The following CFH variants were observed in gnomAD, a reference collection of about 807,000 sequenced individuals.
CFH encodes H factor 1 (complement).
In CFH, 53 loss-of-function variants were observed where a neutral mutation model predicts 147.3. The observed-to-expected ratio is 0.36, with a 90% CI of 0.29 to 0.45. CFH has a LOEUF of 0.45. Ranked by LOEUF, CFH falls within the 20% of genes least tolerant of loss-of-function variation. CFH has a pLI of 1.00. For synonymous variants in CFH, 536 were observed against 489.4 expected, an observed-to-expected ratio of 1.10 and a Z score of -1.26; for missense variants, 1,380 against 1,498.0, an observed-to-expected ratio of 0.92 and a Z score of 1.30.
At position 196,740,651 on chromosome 1, in the gene CFH, C is replaced by A. The variant is rs778348470; in HGVS notation, c.2815C>A (p.His939Asn). 2 of 1,613,566 alleles carry A rather than the reference C, an allele frequency of 1.2e-6. No individual in the cohort carries two copies. Among genetic ancestry groups the A allele is most frequent in the South Asian group, 2.2e-5 (2 of 91,022 alleles). The change falls in exon 18 of 22, where the codon CAT becomes AAT. Residue 939 changes from histidine (H) to asparagine (N), a missense_variant. By Grantham distance (68) the His-to-Asn change is moderately conservative. Transcript: ENST00000367429. ...TTGTAAATCTCCACCTGAGATTTCT[C>A]ATGGTGTTGTAGCTCACATGTCAGA... The part of the protein sequence containing the change: ...LPCKSPPEIS[H>N]GVVAHMSDSY...
rs868141789 is a variant in CFH, at chr1:196,669,292, G to C, written c.59-3686G>C. On this transcript the variant is annotated intron_variant, in intron 1 of 21. Coordinates refer to ENST00000367429, the MANE Select transcript of CFH (RefSeq NM_000186.4). ...TAGAAATAAAACCCGAATTTTCTTG[G>C]GAAAAATGCAAGCCCACTGGAGAAA... Among the ~76,000 whole-genome samples the C allele has an allele frequency of 4.6e-5, 7 of 152,290 alleles. 1 individual carries two copies. Among genetic ancestry groups the C allele is most frequent in the Middle Eastern group, 6.8e-3 (2 of 294 alleles).
intron 6 of CFH, among the ~76,000 whole-genome samples, chr1:196,680,852 G>A (rs1030387487): frequency 6.6e-6 from 1 of 151,806 alleles, no homozygotes; most frequent in Non-Finnish European, 1.5e-5. Context: ...ATTTTGGTTT[G>A]AGCCCACAAG....
chr1:196,714,015 A>G, intron 10 of CFH, 98 bp downstream of exon 10: 2 of 1,132,042 alleles, frequency 1.8e-6, no homozygotes, highest in South Asian at 1.4e-5. Flanking sequence ...TTCATTTGAA[A>G]AGATAAGAAA....
At chr1:196,674,303 A>G (rs1029623679) in intron 3 of CFH, among the ~76,000 whole-genome samples, 1 of 152,192 alleles carries the variant, frequency 6.6e-6, no homozygotes, top group African/African-American at 2.4e-5. Context: ...AACAATAGGA[A>G]TTGTAACCAA....
At chr1:196,698,604 G>A (rs1280463429) in intron 9 of CFH, among the ~76,000 whole-genome samples, 1 of 152,104 alleles carries the variant, frequency 6.6e-6, no homozygotes. Context: ...ACCAAAAATA[G>A]CCCAGGACCA....
intron 9 of CFH, among the ~76,000 whole-genome samples, chr1:196,710,518 G>T (rs1011557470): frequency 6.6e-6 from 1 of 151,944 alleles, no homozygotes; most frequent in Admixed American, 6.6e-5. Flanking sequence ...CTTTTTTTAA[G>T]TCTTAAAATT....
chr1:196,670,598 A>G (rs1457857594), intron 1 of CFH, among the ~76,000 whole-genome samples: 1 of 152,162 alleles, frequency 6.6e-6, no homozygotes, highest in East Asian at 1.9e-4. Context: ...CCCTTCCACC[A>G]TGACTGTAAC....
chr1:196,701,184 C>T, intron 9 of CFH: 3 of 1,172,420 alleles, frequency 2.6e-6, no homozygotes, highest in Non-Finnish European at 3.8e-6. Context: ...GAAGAAATTA[C>T]TAGTGGAAGA....
At chr1:196,732,063 T>G (rs961380717) in intron 15 of CFH, among the ~76,000 whole-genome samples, 1 of 152,088 alleles carries the variant, frequency 6.6e-6, no homozygotes, top group African/African-American at 2.4e-5. Flanking sequence ...ATTATTTTTT[T>G]GAATATATTT....
chr1:196,712,870 G>A (rs1668757868), intron 9 of CFH, among the ~76,000 whole-genome samples: 1 of 146,836 alleles, frequency 6.8e-6, no homozygotes, highest in Admixed American at 7.0e-5. Flanking sequence ...TGTGGTGTTT[G>A]GTTTTTTGTC....
At chr1:196,702,119 A>C (rs935357734) in intron 9 of CFH, among the ~76,000 whole-genome samples, 1 of 152,178 alleles carries the variant, frequency 6.6e-6, no homozygotes, top group Non-Finnish European at 1.5e-5. Flanking sequence ...GAAAAAGATG[A>C]TGCTATGATG....
chr1:196,730,414 C>T (rs1365520010), intron 15 of CFH, among the ~76,000 whole-genome samples: 1 of 151,802 alleles, frequency 6.6e-6, no homozygotes, highest in Non-Finnish European at 1.5e-5. Flanking sequence ...ATTGATTTCT[C>T]ATTTCATACC....
chr1:196,692,471 G>A (rs532356085), intron 9 of CFH: 5 of 369,896 alleles, frequency 1.4e-5, no homozygotes, highest in South Asian at 1.1e-4. Context: ...TTTGATTTTG[G>A]AGCTGATTGT....
At chr1:196,725,382 A>G in intron 12 of CFH, 85 bp downstream of exon 12, 2 of 1,285,922 alleles carry the variant, frequency 1.6e-6, no homozygotes, top group Non-Finnish European at 1.1e-6. Context: ...TTGGGCTCCC[A>G]TTGCCTGTAA....
chr1:196,686,596 T>A (rs1667838299), intron 7 of CFH, among the ~76,000 whole-genome samples: 1 of 152,142 alleles, frequency 6.6e-6, no homozygotes, highest in African/African-American at 2.4e-5. Flanking sequence ...AAATGATTGA[T>A]TAATGACTTC....
At chr1:196,728,665 A>G in intron 15 of CFH, 143 bp downstream of exon 15, 1 of 775,600 alleles carries the variant, frequency 1.3e-6, no homozygotes, top group South Asian at 1.5e-5. Context: ...TAATGAAAAC[A>G]CTGTTCCTAA....
At chr1:196,669,165 G>A (rs1305441367) in intron 1 of CFH, among the ~76,000 whole-genome samples, 1 of 152,168 alleles carries the variant, frequency 6.6e-6, no homozygotes, top group African/African-American at 2.4e-5. Flanking sequence ...CTAGAGATCT[G>A]TGGAACTTTG....
chr1:196,653,624 A>T (rs1402147843), intron 1 of CFH, among the ~76,000 whole-genome samples: 1 of 152,076 alleles, frequency 6.6e-6, no homozygotes, highest in Non-Finnish European at 1.5e-5. Context: ...TTAAGTTATT[A>T]AAAAGTTGAA....
chr1:196,730,905 C>T (rs913741000), intron 15 of CFH, among the ~76,000 whole-genome samples: 4 of 151,740 alleles, frequency 2.6e-5, no homozygotes, highest in African/African-American at 7.2e-5. Context: ...CCCCTGTTCT[C>T]TTTTAGTTTT....
Sources: allele counts gnomAD v4.1 joint callset (sites outside exome capture counted in the v4.1 genomes callset), GRCh38; gene constraint gnomAD v4.1.1; transcripts MANE v1.5; gene names NCBI Gene and HGNC (gene_info 2026-07-23, HGNC 2026-07-21).